The following SCG5 variants were observed in gnomAD, a reference collection of about 807,000 sequenced individuals.
The protein encoded by SCG5 is neuroendocrine protein 7B2.
Under a neutral mutation model 25.7 loss-of-function variants are expected in SCG5, and 18 were observed. The observed-to-expected ratio is 0.70, with a 90% CI of 0.48 to 1.04. The LOEUF (loss-of-function observed/expected upper bound fraction) is 1.04, where lower values mean the gene tolerates loss of function less well. Among genes scored for constraint, SCG5 ranks in the 50% least tolerant of loss-of-function variants. The probability of loss-of-function intolerance (pLI) is 0.00; values close to 1 mark genes in which losing one functional copy is unlikely to be tolerated. For missense variants in SCG5, 206 were observed against 259.8 expected (o/e 0.79, Z 1.42); for synonymous variants, 101 against 91.7 (o/e 1.10, Z -0.58).
intron 2 of SCG5, among the ~76,000 whole-genome samples, chr15:32,647,670 T>G (rs1438942504): frequency 1.3e-5 from 2 of 152,218 alleles, no homozygotes; most frequent in East Asian, 3.8e-4. Context: ...TAGCCCACTG[T>G]TCTCACCGCT....
chr15:32,666,931 G>C (rs1010475162), intron 2 of SCG5, among the ~76,000 whole-genome samples: 2 of 152,146 alleles, frequency 1.3e-5, no homozygotes, highest in Non-Finnish European at 2.9e-5. Flanking sequence ...TATTCACCAC[G>C]CCCAAGAGGC....
intron 3 of SCG5, among the ~76,000 whole-genome samples, chr15:32,681,485 CT>C (rs61387158): frequency 0.018 from 2,470 of 139,874 alleles, 36 homozygotes; most frequent in African/African-American, 0.049. Context: ...TTTTCTTTTT[CT>C]TTTTTTTTTT....
chr15:32,661,184 T>C (rs1040055913), intron 2 of SCG5, among the ~76,000 whole-genome samples: 4 of 152,200 alleles, frequency 2.6e-5, no homozygotes, highest in African/African-American at 9.7e-5. Flanking sequence ...AGAAGGGGCA[T>C]AGAACCTGGA....
At chr15:32,672,782 G>T (rs1286666650) in intron 2 of SCG5, among the ~76,000 whole-genome samples, 7 of 152,090 alleles carry the variant, frequency 4.6e-5, no homozygotes, top group African/African-American at 1.7e-4. Context: ...AGTGGCTTTA[G>T]GCAAGAAACC....
At chr15:32,668,656 C>A (rs1450365848) in intron 2 of SCG5, among the ~76,000 whole-genome samples, 1 of 152,220 alleles carries the variant, frequency 6.6e-6, no homozygotes, top group African/African-American at 2.4e-5. Context: ...CCTCCTCAAC[C>A]ATAGTCCCCA....
chr15:32,646,450 C>T (rs1239790983), intron 2 of SCG5, among the ~76,000 whole-genome samples: 1 of 152,152 alleles, frequency 6.6e-6, no homozygotes, highest in East Asian at 1.9e-4. Flanking sequence ...TTAGAGGCCG[C>T]CTCAGGTTGT....
At chr15:32,661,692 G>C (rs983124301) in intron 2 of SCG5, among the ~76,000 whole-genome samples, 1 of 152,114 alleles carries the variant, frequency 6.6e-6, no homozygotes, top group East Asian at 1.9e-4. Flanking sequence ...AATCAGACCC[G>C]CTGTGGAGAC....
chr15:32,670,232 C>T (rs1483191420), intron 2 of SCG5, among the ~76,000 whole-genome samples: 1 of 152,250 alleles, frequency 6.6e-6, no homozygotes, highest in African/African-American at 2.4e-5. Flanking sequence ...CCAACAGGCT[C>T]AACCCAATTT....
At chr15:32,666,059 T>G (rs1247588264) in intron 2 of SCG5, 2 of 152,146 alleles carry the variant, frequency 1.3e-5, no homozygotes, top group East Asian at 1.9e-4. Flanking sequence ...AGGAAAGAAA[T>G]AAAGGCCATT....
At chr15:32,688,958 C>CAA (rs778404784) in intron 4 of SCG5, among the ~76,000 whole-genome samples, 2 of 46,392 alleles carry the variant, frequency 4.3e-5, no homozygotes, top group African/African-American at 1.1e-4. Context: ...GACTCCGTCT[C>CAA]AAAAAAAAAA....
chr15:32,681,842 T>C (rs1208313002), intron 3 of SCG5, among the ~76,000 whole-genome samples: 3 of 152,140 alleles, frequency 2.0e-5, no homozygotes, highest in Non-Finnish European at 4.4e-5. Context: ...TTAGAAAATA[T>C]GCTCCTCCTT....
In SCG5 at chr15:32,663,072, TATATATAA is replaced by T. The variant is rs1343725125; in HGVS notation, c.227-16693_227-16686del. ...ATATATATATATATATATATATATATATATATAATATATAATATGTTATATATACACAT... is the reference window on the plus strand; with the variant it reads ...ATATATATATATATATATATATATATTATATAATATGTTATATATACACAT... On this transcript the variant is annotated intron_variant, in intron 2 of 5. Coordinates refer to ENST00000300175, the MANE Select transcript of SCG5 (RefSeq NM_001144757.3). Among the ~76,000 whole-genome samples, 59 of 55,258 alleles carry T rather than the reference TATATATAA, an allele frequency of 1.1e-3. 2 individuals are homozygous for T. The highest frequency in any genetic ancestry group is 3.3e-3 in the African/African-American group (57 of 17,230). 36.3% of individuals were successfully genotyped at this position (55,258 alleles called of 152,430 possible). A position where few individuals can be genotyped will look rare whatever the true frequency, so the allele number is the denominator to read the frequency against.
chr15:32,653,908 T>C (rs1250509968), intron 2 of SCG5, among the ~76,000 whole-genome samples: 1 of 152,172 alleles, frequency 6.6e-6, no homozygotes, highest in Non-Finnish European at 1.5e-5. Context: ...GGAATAAAAT[T>C]AACACAGCTG....
At chr15:32,675,726 C>T (rs1302375064) in intron 2 of SCG5, among the ~76,000 whole-genome samples, 2 of 152,236 alleles carry the variant, frequency 1.3e-5, no homozygotes, top group African/African-American at 4.8e-5. Context: ...AACTGTGACA[C>T]ACTGCCGTAT....
intron 2 of SCG5, among the ~76,000 whole-genome samples, chr15:32,665,243 G>C (rs148620912): frequency 6.6e-6 from 1 of 152,098 alleles, no homozygotes; most frequent in Non-Finnish European, 1.5e-5. Context: ...CAGGGATCCT[G>C]AATAATCCAT....
At chr15:32,696,374 C>T in intron 5 of SCG5, 140 bp from the exon 6 acceptor site, 1 of 580,882 alleles carries the variant, frequency 1.7e-6, no homozygotes, top group South Asian at 2.0e-5. Flanking sequence ...ACCTCGGCCT[C>T]CCAAAGTGCT....
chr15:32,689,841 CTTTTTT>C (rs537073829), intron 4 of SCG5, among the ~76,000 whole-genome samples: 1 of 135,048 alleles, frequency 7.4e-6, no homozygotes, highest in Non-Finnish European at 1.6e-5. Flanking sequence ...TTTTGCATTT[CTTTTTT>C]TTTTTTTTTT....
intron 4 of SCG5, among the ~76,000 whole-genome samples, chr15:32,687,287 A>C (rs1237643151): frequency 1.3e-5 from 2 of 152,186 alleles, no homozygotes; most frequent in Admixed American, 1.3e-4. Context: ...CGAAACACTG[A>C]CTTGAGTTTC....
intron 4 of SCG5, among the ~76,000 whole-genome samples, chr15:32,684,954 C>G (rs2054679705): frequency 6.6e-6 from 1 of 152,124 alleles, no homozygotes; most frequent in Admixed American, 6.5e-5. Flanking sequence ...TCATACACAT[C>G]CTAAATTTCA....
Sources: allele counts gnomAD v4.1 joint callset (sites outside exome capture counted in the v4.1 genomes callset), GRCh38; gene constraint gnomAD v4.1.1; transcripts MANE v1.5; gene names NCBI Gene and HGNC (gene_info 2026-07-23, HGNC 2026-07-21).